Variants in LRP1B observed in about 807,000 individuals in gnomAD.
LRP1B encodes the protein low-density lipoprotein receptor-related protein 1B.
LRP1B carries 217 observed loss-of-function variants against 556.6 expected under a neutral mutation model. That is an observed-to-expected ratio of 0.39 (90% CI 0.35 to 0.44). LRP1B has a LOEUF of 0.44. LRP1B is among the 20% of genes least tolerant of loss of function. The pLI, the probability that LRP1B is intolerant of heterozygous loss-of-function variation, is 1.00. For missense variants in LRP1B, 5,053 were observed against 5,620.8 expected (o/e 0.90, Z 3.23); for synonymous variants, 2,047 against 1,865.8 (o/e 1.10, Z -2.50).
chr2:140,730,531 A>G (rs1574291239), intron 35 of LRP1B, among the ~76,000 whole-genome samples: 2 of 152,070 alleles, frequency 1.3e-5, no homozygotes, highest in African/African-American at 4.8e-5. Context: ...CTTTCTTAAT[A>G]CTTTCTTCCC....
At chr2:141,333,094 G>T (rs1687717262) in intron 3 of LRP1B, among the ~76,000 whole-genome samples, 1 of 151,798 alleles carries the variant, frequency 6.6e-6, no homozygotes, top group Non-Finnish European at 1.5e-5. Flanking sequence ...GTTTGTAATG[G>T]TATACCCATG....
At chr2:141,771,837 C>T (rs978994214) in intron 2 of LRP1B, among the ~76,000 whole-genome samples, 1 of 151,878 alleles carries the variant, frequency 6.6e-6, no homozygotes, top group Non-Finnish European at 1.5e-5. Flanking sequence ...GTTGTTTTTG[C>T]GATGAAGTTT....
chr2:140,568,478 A>T (rs1410538294), intron 43 of LRP1B, among the ~76,000 whole-genome samples: 2 of 152,086 alleles, frequency 1.3e-5, no homozygotes, highest in African/African-American at 2.4e-5. Flanking sequence ...AAGTCTACAG[A>T]ACTATGAGAC....
intron 3 of LRP1B, among the ~76,000 whole-genome samples, chr2:141,461,807 A>G (rs1681882545): frequency 6.6e-6 from 1 of 152,224 alleles, no homozygotes; most frequent in Non-Finnish European, 1.5e-5. Flanking sequence ...CATTAATTTA[A>G]GACACAGTTT....
chr2:141,952,876 A>C (rs1014346661), intron 1 of LRP1B, among the ~76,000 whole-genome samples: 1 of 152,158 alleles, frequency 6.6e-6, no homozygotes, highest in Non-Finnish European at 1.5e-5. Context: ...CATGCTATAA[A>C]GTAACACTCT....
rs1212935266 is a variant in LRP1B, at chr2:141,012,376, A to G, written c.2380+1180T>C. ...GAAAAGCAGATCTTTCAGAATATGA[A>G]AAGGACTGTTTCTATTCATAGCCTG... On this transcript the variant is annotated intron_variant, in intron 14 of 90. Coordinates refer to ENST00000389484, the MANE Select transcript of LRP1B (RefSeq NM_018557.3). Among the ~76,000 whole-genome samples, 3 of 152,178 alleles carry G rather than the reference A, an allele frequency of 2.0e-5. No individual in the cohort carries two copies. In the South Asian group the frequency reaches 6.2e-4, roughly 32 times the overall value.
At chr2:140,591,010 C>T (rs1309795968) in intron 43 of LRP1B, among the ~76,000 whole-genome samples, 1 of 152,028 alleles carries the variant, frequency 6.6e-6, no homozygotes, top group Non-Finnish European at 1.5e-5. Context: ...TATTTAGTCA[C>T]TTACTGTTCT....
At chr2:141,283,614 C>T (rs937802027) in intron 3 of LRP1B, among the ~76,000 whole-genome samples, 1 of 144,996 alleles carries the variant, frequency 6.9e-6, no homozygotes, top group Non-Finnish European at 1.5e-5. Flanking sequence ...GACAAAGAGA[C>T]CCACTTTTTT....
chr2:140,248,725 C>A (rs1313583544), intron 86 of LRP1B, among the ~76,000 whole-genome samples: 2 of 149,850 alleles, frequency 1.3e-5, no homozygotes, highest in African/African-American at 4.9e-5. Context: ...AAAAATGTTC[C>A]AATTCTTCAC....
intron 2 of LRP1B, among the ~76,000 whole-genome samples, chr2:141,587,081 T>C (rs16846534): frequency 0.028 from 4,318 of 152,034 alleles, 96 homozygotes; most frequent in South Asian, 0.067. Context: ...ACCTATAAAA[T>C]GTTTGCATAT....
At chr2:140,496,593 T>C (rs1220211968) in intron 55 of LRP1B, among the ~76,000 whole-genome samples, 6 of 152,118 alleles carry the variant, frequency 3.9e-5, no homozygotes, top group Non-Finnish European at 8.8e-5. Context: ...TGTCAACTCA[T>C]AGGCTACAAA....
intron 1 of LRP1B, among the ~76,000 whole-genome samples, chr2:141,830,192 C>T (rs534785549): frequency 5.3e-5 from 8 of 151,930 alleles, no homozygotes; most frequent in South Asian, 2.1e-4. Context: ...GAAATTTCTC[C>T]TTAAGCAGAC....
intron 90 of LRP1B, 132 bp from the exon 91 acceptor site, chr2:140,233,458 G>T: frequency 5.6e-6 from 3 of 536,494 alleles, no homozygotes; most frequent in Non-Finnish European, 9.1e-6. Flanking sequence ...AAATAGTAAT[G>T]ATTTAAAGGT....
intron 1 of LRP1B, among the ~76,000 whole-genome samples, chr2:142,018,619 A>G (rs955456053): frequency 6.6e-6 from 1 of 152,128 alleles, no homozygotes; most frequent in African/African-American, 2.4e-5. Flanking sequence ...TTTCATTGAA[A>G]ACAATACATA....
intron 15 of LRP1B, among the ~76,000 whole-genome samples, chr2:140,998,781 G>T (rs1037946601): frequency 2.0e-5 from 3 of 152,060 alleles, no homozygotes; most frequent in African/African-American, 7.2e-5. Flanking sequence ...TTGAACATTT[G>T]CCAGTGGATT....
At chr2:140,917,201 G>A (rs942798589) in intron 21 of LRP1B, among the ~76,000 whole-genome samples, 2 of 152,164 alleles carry the variant, frequency 1.3e-5, no homozygotes, top group African/African-American at 4.8e-5. Flanking sequence ...CACTAAAGGT[G>A]TTCAAGGATA....
At position 140,691,102 on chromosome 2, in the gene LRP1B, G is replaced by GAA. The variant is rs1686221670; in HGVS notation, c.6799+9146_6799+9147dup. Among the ~76,000 whole-genome samples, 4 of 152,038 alleles carry GAA rather than the reference G, an allele frequency of 2.6e-5. No individual in the cohort carries two copies. The South Asian group carries it at 8.3e-4, about 32-fold the overall frequency. On this transcript the variant is annotated intron_variant, in intron 41 of 90. Coordinates refer to ENST00000389484, the MANE Select transcript of LRP1B (RefSeq NM_018557.3). ...CAATTAACAAAATCAAATGTGTTTT[G>GAA]AAACACTCCTAAACAATAAGCACAT...
At chr2:141,379,258 T>A (rs539306422) in intron 3 of LRP1B, among the ~76,000 whole-genome samples, 2 of 152,276 alleles carry the variant, frequency 1.3e-5, no homozygotes, top group Admixed American at 1.3e-4. Context: ...GAATTGCATA[T>A]CTGGCAAAAC....
chr2:140,556,843 A>G (rs1197677620), intron 43 of LRP1B, among the ~76,000 whole-genome samples: 1 of 152,040 alleles, frequency 6.6e-6, no homozygotes, highest in African/African-American at 2.4e-5. Context: ...AATTACATAC[A>G]TGTCCATAGG....
Sources: gnomAD v4.1 joint callset for allele counts (sites outside exome capture counted in the v4.1 genomes callset) on GRCh38, gnomAD v4.1.1 for gene constraint, MANE v1.5 for transcripts, NCBI Gene and HGNC (gene_info 2026-07-23, HGNC 2026-07-21) for gene names.